Variants in KCNMB2 observed in about 807,000 individuals in gnomAD.
The protein encoded by KCNMB2 is calcium-activated potassium channel subunit beta-2.
KCNMB2 carries 9 observed loss-of-function variants against 24.5 expected under a neutral mutation model. The ratio of observed to expected loss-of-function variants is 0.37; its 90% confidence interval spans 0.22 to 0.64. The LOEUF (loss-of-function observed/expected upper bound fraction) is 0.64, where lower values mean the gene tolerates loss of function less well. KCNMB2 is among the 30% of genes least tolerant of loss of function. The pLI, the probability that KCNMB2 is intolerant of heterozygous loss-of-function variation, is 0.63. For synonymous variants in KCNMB2, 109 were observed against 104.4 expected (o/e 1.04, Z -0.27); for missense variants, 226 against 284.3 (o/e 0.79, Z 1.47).
At chr3:178,558,201 T>G (rs764298388) in intron 1 of KCNMB2, among the ~76,000 whole-genome samples, 9 of 152,204 alleles carry the variant, frequency 5.9e-5, no homozygotes, top group Non-Finnish European at 1.3e-4. Flanking sequence ...AAATTGCCCA[T>G]ACAATACACA....
intron 1 of KCNMB2, among the ~76,000 whole-genome samples, chr3:178,682,918 T>C (rs553782737): frequency 6.6e-6 from 1 of 152,146 alleles, no homozygotes; most frequent in Non-Finnish European, 1.5e-5. Context: ...CTATACACTG[T>C]TGGTGGGAAT....
At chr3:178,679,517 G>A (rs1259892347) in intron 1 of KCNMB2, among the ~76,000 whole-genome samples, 2 of 152,226 alleles carry the variant, frequency 1.3e-5, no homozygotes, top group African/African-American at 4.8e-5. Flanking sequence ...CCAACTGTCT[G>A]TTGGGGCTTG....
chr3:178,691,399 T>C (rs1397921151), intron 1 of KCNMB2, among the ~76,000 whole-genome samples: 1 of 152,104 alleles, frequency 6.6e-6, no homozygotes, highest in South Asian at 2.1e-4. Context: ...AATTATCTGC[T>C]TCTTCCCACC....
At chr3:178,630,366 C>T (rs552564120) in intron 1 of KCNMB2, among the ~76,000 whole-genome samples, 48 of 152,224 alleles carry the variant, frequency 3.2e-4, no homozygotes, top group Non-Finnish European at 5.7e-4. Context: ...GTTCCAGCAT[C>T]TCCTCCCAAC....
intron 1 of KCNMB2, among the ~76,000 whole-genome samples, chr3:178,677,919 T>C (rs917972875): frequency 2.6e-5 from 4 of 152,222 alleles, no homozygotes; most frequent in Non-Finnish European, 4.4e-5. Flanking sequence ...ATGTTACATA[T>C]GACCCATGCT....
chr3:178,570,226 C>T (rs749976962), intron 1 of KCNMB2, among the ~76,000 whole-genome samples: 4 of 152,086 alleles, frequency 2.6e-5, no homozygotes, highest in Admixed American at 6.6e-5. Context: ...AAAGTGGTTT[C>T]CTAGTTTTCA....
intron 1 of KCNMB2, among the ~76,000 whole-genome samples, chr3:178,659,951 G>A (rs917549232): frequency 4.6e-5 from 7 of 152,082 alleles, no homozygotes; most frequent in African/African-American, 1.4e-4. Flanking sequence ...TCAGCAAATG[G>A]AAAATGGTGT....
At chr3:178,620,078 T>C (rs1718853159) in intron 1 of KCNMB2, among the ~76,000 whole-genome samples, 1 of 152,192 alleles carries the variant, frequency 6.6e-6, no homozygotes, top group South Asian at 2.1e-4. Context: ...TGACTTATTC[T>C]ATGGAAAAAG....
At chr3:178,733,287 C>T (rs912210599) in intron 1 of KCNMB2, among the ~76,000 whole-genome samples, 1 of 152,046 alleles carries the variant, frequency 6.6e-6, no homozygotes, top group African/African-American at 2.4e-5. Context: ...ACTCCAAGCA[C>T]AGCAAGGAAG....
At chr3:178,605,691 G>A (rs1307544428) in intron 1 of KCNMB2, among the ~76,000 whole-genome samples, 1 of 152,148 alleles carries the variant, frequency 6.6e-6, no homozygotes, top group Non-Finnish European at 1.5e-5. Context: ...ATTGGAAACT[G>A]GAGGAAAGGT....
At chr3:178,587,205 A>G (rs1358107728) in intron 1 of KCNMB2, among the ~76,000 whole-genome samples, 5 of 152,032 alleles carry the variant, frequency 3.3e-5, no homozygotes, top group Non-Finnish European at 5.9e-5. Context: ...CAGCTTTTAT[A>G]CTACATTTTC....
chr3:178,800,837 A>G (rs1713746633), intron 1 of KCNMB2, among the ~76,000 whole-genome samples: 1 of 152,180 alleles, frequency 6.6e-6, no homozygotes, highest in Non-Finnish European at 1.5e-5. Flanking sequence ...ATGAAGTACT[A>G]TTCAGCCATA....
chr3:178,735,114 T>C (rs1000662114), intron 1 of KCNMB2, among the ~76,000 whole-genome samples: 7 of 152,250 alleles, frequency 4.6e-5, no homozygotes, highest in Non-Finnish European at 8.8e-5. Context: ...AGCTTTAGTG[T>C]CTGTCTGTAA....
chr3:178,566,267 C>G (rs902536614), intron 1 of KCNMB2, among the ~76,000 whole-genome samples: 1 of 152,140 alleles, frequency 6.6e-6, no homozygotes, highest in African/African-American at 2.4e-5. Context: ...TAAGGTAAAA[C>G]CATGTTTAGA....
intron 2 of KCNMB2, among the ~76,000 whole-genome samples, chr3:178,814,185 G>A (rs559674254): frequency 2.8e-4 from 43 of 152,104 alleles, no homozygotes; most frequent in African/African-American, 1.0e-3. Flanking sequence ...AGTGTCTATT[G>A]TTTCCAGTTT....
chr3:178,577,241 C>A (rs780759442), intron 1 of KCNMB2, among the ~76,000 whole-genome samples: 2 of 152,080 alleles, frequency 1.3e-5, no homozygotes, highest in Non-Finnish European at 2.9e-5. Flanking sequence ...CTGGAGTGGA[C>A]CTTCAGCAGA....
At chr3:178,752,463 G>C (rs1723882818) in intron 1 of KCNMB2, among the ~76,000 whole-genome samples, 1 of 152,188 alleles carries the variant, frequency 6.6e-6, no homozygotes, top group African/African-American at 2.4e-5. Flanking sequence ...ATGGGAAATG[G>C]TGTCCAAGGA....
intron 1 of KCNMB2, among the ~76,000 whole-genome samples, chr3:178,695,681 C>A (rs1301650047): frequency 1.3e-5 from 2 of 152,184 alleles, no homozygotes; most frequent in African/African-American, 2.4e-5. Flanking sequence ...CCATCCGAGA[C>A]CACCTCAGCC....
At chr3:178,649,020 T>C (rs957035234) in intron 1 of KCNMB2, among the ~76,000 whole-genome samples, 4 of 152,202 alleles carry the variant, frequency 2.6e-5, no homozygotes, top group Admixed American at 6.5e-5. Context: ...ATTCTCTAAA[T>C]TGCCTAATCA....
Sources: gnomAD v4.1 joint callset for allele counts (sites outside exome capture counted in the v4.1 genomes callset) on GRCh38, gnomAD v4.1.1 for gene constraint, MANE v1.5 for transcripts, NCBI Gene and HGNC (gene_info 2026-07-23, HGNC 2026-07-21) for gene names.